The following HHIP variants were observed in gnomAD, a reference collection of about 807,000 sequenced individuals.
HHIP encodes the protein hedgehog interacting protein.
In HHIP, 12 loss-of-function variants were observed where a neutral mutation model predicts 74.0. The ratio of observed to expected loss-of-function variants is 0.16; its 90% CI spans 0.10 to 0.26. The LOEUF is 0.26. Among genes scored for constraint, HHIP ranks in the 10% least tolerant of loss-of-function variants. The probability of loss-of-function intolerance (pLI) is 1.00; values close to 1 mark genes in which losing one functional copy is unlikely to be tolerated. For missense variants in HHIP, 788 were observed against 845.0 expected, an observed-to-expected ratio of 0.93 and a Z score of 0.84; for synonymous variants, 309 against 311.6, an observed-to-expected ratio of 0.99 and a Z score of 0.09.
At chr4:144,684,430 T>C (rs1220564938) in intron 4 of HHIP, among the ~76,000 whole-genome samples, 1 of 150,382 alleles carries the variant, frequency 6.6e-6, no homozygotes, top group Non-Finnish European at 1.5e-5. Context: ...GGCTATTTTT[T>C]TTATTTTTAT....
At position 144,658,779 on chromosome 4, in the gene HHIP, AT is replaced by A; in HGVS notation, c.473-5del. On this transcript the variant is annotated splice_polypyrimidine_tract_variant and intron_variant, in intron 2 of 12. Transcript: ENST00000296575. ...AGGTGCTTCTAATGAGTCTTTTTAT[AT>A]TTTTTAAAGGTTTCCTTCAAACAAC... is the stretch of plus-strand genomic sequence containing the variant. 1 of 1,605,092 alleles carries A rather than the reference AT, an allele frequency of 6.2e-7. No homozygotes were observed. The highest frequency in any genetic ancestry group is 8.5e-7 in the Non-Finnish European group (1 of 1,175,524).
chr4:144,707,780 CTTTA>C (rs1436168916), intron 6 of HHIP, among the ~76,000 whole-genome samples: 9 of 151,564 alleles, frequency 5.9e-5, no homozygotes, highest in Non-Finnish European at 1.2e-4. Context: ...TTAATTATTC[CTTTA>C]TTTATTCAGA....
At chr4:144,725,525 T>C (rs1357899876) in intron 11 of HHIP, among the ~76,000 whole-genome samples, 1 of 152,224 alleles carries the variant, frequency 6.6e-6, no homozygotes, top group Non-Finnish European at 1.5e-5. Context: ...GGTAGATCTA[T>C]TGCTTTATAA....
intron 1 of HHIP, among the ~76,000 whole-genome samples, chr4:144,651,720 T>C (rs1728432349): frequency 6.6e-6 from 1 of 151,476 alleles, no homozygotes; most frequent in Admixed American, 6.6e-5. Flanking sequence ...AAGGAGATTC[T>C]GAAGTCAGGT....
Position 144,738,558 on chromosome 4 carries a change from T to A in HHIP, c.*601T>A. On this transcript the variant is annotated 3_prime_UTR_variant, in exon 13 of 13. Transcript: ENST00000296575. ...GCTGAGAAATCTGGTTATTTCATCT[T>A]AATCTCAAGATTGTTTTCAAGTGTT... 1 of 848,684 alleles carries A rather than the reference T, an allele frequency of 1.2e-6. No individual in the cohort carries two copies. The highest frequency in any genetic ancestry group is 1.4e-6 in the Non-Finnish European group (1 of 705,140). The allele number at this position is 848,684 out of a possible 1,614,324, so 52.6% of individuals were successfully genotyped here.
chr4:144,717,940 A>G (rs1262933090), intron 10 of HHIP, among the ~76,000 whole-genome samples: 1 of 152,208 alleles, frequency 6.6e-6, no homozygotes, highest in Non-Finnish European at 1.5e-5. Flanking sequence ...AAATAAATCA[A>G]GATAAAATTT....
chr4:144,682,420 A>C (rs1337677034), intron 4 of HHIP, among the ~76,000 whole-genome samples: 2 of 152,202 alleles, frequency 1.3e-5, no homozygotes, highest in Admixed American at 6.5e-5. Context: ...GGTTGGATTT[A>C]TTTCTTTCAA....
At position 144,744,533 on chromosome 4, in the gene HHIP, G is replaced by A. The variant is rs1731334077; in HGVS notation, c.*6576G>A. On this transcript the variant is annotated 3_prime_UTR_variant, in exon 13 of 13. Coordinates refer to ENST00000296575, the MANE Select transcript of HHIP (RefSeq NM_022475.3). The stretch of plus-strand genomic sequence containing the variant: ...AGGCAGGTACAAGTTTAAGGGAGCA[G>A]GGCTATCATATGTACTAGGTGAGAT... 5 of 152,132 alleles carry A rather than the reference G, an allele frequency of 3.3e-5. No individual in the cohort carries two copies. The highest frequency in any genetic ancestry group is 1.2e-4 in the African/African-American group (5 of 41,412). 9.4% of individuals were successfully genotyped at this position (152,132 alleles called of 1,614,324 possible).
chr4:144,734,615 C>T (rs1280405763), intron 11 of HHIP, 126 bp from the exon 12 acceptor site: 1 of 600,892 alleles, frequency 1.7e-6, no homozygotes, highest in East Asian at 2.9e-5. Context: ...GACTGAGTCA[C>T]TTAAAAAAAA....
Position 144,734,829 on chromosome 4 carries a change from T to C in HHIP, c.1849T>C (p.Cys617Arg). Reference protein sequence around the residue: ...ECSRLCRNGYCTPTGKCCCSP... With the variant: ...ECSRLCRNGYRTPTGKCCCSP... ...CTCCAGGCTCTGTCGAAACGGCTACTGCACCCCCACGGGAAAGTGCTGCTG... is the reference window on the plus strand; with the variant it reads ...CTCCAGGCTCTGTCGAAACGGCTACCGCACCCCCACGGGAAAGTGCTGCTG... Residue 617 changes from cysteine to arginine, a missense_variant, in exon 12 of 13, where the codon TGC (cysteine) becomes CGC (arginine). By Grantham distance (180) the Cys-to-Arg change is radical. This residue lies in a region of HHIP where 343 missense variants were observed against 347.9 expected (regional missense o/e 0.99). Transcript: ENST00000296575. 1 of 1,613,080 alleles carries C rather than the reference T, an allele frequency of 6.2e-7. No individual in the cohort carries two copies. The highest frequency in any genetic ancestry group is 1.1e-5 in the South Asian group (1 of 90,974).
intron 4 of HHIP, among the ~76,000 whole-genome samples, chr4:144,698,351 C>T (rs886237592): frequency 6.6e-6 from 1 of 152,182 alleles, no homozygotes; most frequent in African/African-American, 2.4e-5. Flanking sequence ...AAGATTATAA[C>T]ACCATATTTT....
rs1285151577 is a variant in HHIP, at chr4:144,693,070, G to A, written c.832-13461G>A. ...TGAGAGCAAGAGCTGTGGAGTGAGTGAGGATAAATGTTCATAACGTTATAG... is the reference window on the plus strand; with the variant it reads ...TGAGAGCAAGAGCTGTGGAGTGAGTAAGGATAAATGTTCATAACGTTATAG... On this transcript the variant is annotated intron_variant, in intron 4 of 12. Coordinates refer to ENST00000296575, the MANE Select transcript of HHIP (RefSeq NM_022475.3). Among the ~76,000 whole-genome samples the A allele has an allele frequency of 4.6e-5, 7 of 152,244 alleles. No homozygotes were observed. The East Asian group carries it at 1.4e-3, about 29-fold the overall frequency.
At chr4:144,661,762 T>C (rs1728719893) in intron 4 of HHIP, among the ~76,000 whole-genome samples, 1 of 152,238 alleles carries the variant, frequency 6.6e-6, no homozygotes, top group African/African-American at 2.4e-5. Flanking sequence ...GCTTCTTTAA[T>C]ATATGAAAGT....
At chr4:144,686,781 C>T (rs1729499136) in intron 4 of HHIP, among the ~76,000 whole-genome samples, 1 of 152,208 alleles carries the variant, frequency 6.6e-6, no homozygotes, top group Admixed American at 6.5e-5. Flanking sequence ...CATTTGCTGG[C>T]TCAGCTTAAG....
At chr4:144,652,517 C>A in intron 1 of HHIP, 88 bp from the exon 2 acceptor site, 4 of 789,084 alleles carry the variant, frequency 5.1e-6, no homozygotes, top group Non-Finnish European at 8.5e-6. Flanking sequence ...TTAGACTTTT[C>A]TACTTACACA....
At chr4:144,711,053 C>A (rs903465088) in intron 7 of HHIP, among the ~76,000 whole-genome samples, 5 of 138,468 alleles carry the variant, frequency 3.6e-5, no homozygotes, top group Non-Finnish European at 6.4e-5. Flanking sequence ...AAGTCCTCCC[C>A]TTATGGAGCT....
chr4:144,706,783 A>G (rs1434752290), intron 5 of HHIP, 101 bp downstream of exon 5: 12 of 1,059,302 alleles, frequency 1.1e-5, no homozygotes, highest in Non-Finnish European at 1.6e-5. Flanking sequence ...AGTAACCATA[A>G]GGTGGCAATA....
Position 144,652,243 on chromosome 4 carries a change from T to A in HHIP, c.280-362T>A, listed in dbSNP as rs540419214. The stretch of plus-strand genomic sequence containing the variant: ...GTTTTGCATGCGATTGGACAAAGGT[T>A]GGAATTTTAAAGTTAAATATCATTC... On this transcript the variant is annotated intron_variant, in intron 1 of 12. Transcript: ENST00000296575. Among the ~76,000 whole-genome samples the A allele has an allele frequency of 1.1e-4, 17 of 152,206 alleles. No homozygotes were observed. In the South Asian group the frequency reaches 3.5e-3, roughly 32 times the overall value.
rs1731329862 is a variant in HHIP, at chr4:144,744,284, T to A, written c.*6327T>A. 1.3e-5 allele frequency: 2 copies of A among 152,226 alleles called. No homozygotes were observed. Among genetic ancestry groups the A allele is most frequent in the South Asian group, 4.1e-4 (2 of 4,838 alleles). 9.4% of individuals were successfully genotyped at this position (152,226 alleles called of 1,614,324 possible). A position where few individuals can be genotyped will look rare whatever the true frequency, so the allele number is the denominator to read the frequency against. ...TAAAACAATACTTAAATGAGAATTCTGTGTCTTTTTTGGTTTTATCTGTGA... is the reference window on the plus strand; with the variant it reads ...TAAAACAATACTTAAATGAGAATTCAGTGTCTTTTTTGGTTTTATCTGTGA... On this transcript the variant is annotated 3_prime_UTR_variant, in exon 13 of 13. Coordinates refer to ENST00000296575, the MANE Select transcript of HHIP (RefSeq NM_022475.3).
Sources: gnomAD v4.1 joint callset for allele counts (sites outside exome capture counted in the v4.1 genomes callset) on GRCh38, gnomAD v4.1.1 for gene constraint, gnomAD v4.1.1 regional missense constraint, MANE v1.5 for transcripts, NCBI Gene and HGNC (gene_info 2026-07-23, HGNC 2026-07-21) for gene names.